Variants in EHF observed in about 807,000 individuals in gnomAD.
EHF encodes the protein ESE3 transcription factor.
EHF carries 14 observed loss-of-function variants against 45.1 expected under a neutral mutation model. The ratio of observed to expected loss-of-function variants is 0.31; its 90% CI spans 0.21 to 0.49. EHF has a LOEUF of 0.49. Ranked by LOEUF, EHF falls within the 20% of genes least tolerant of loss-of-function variation. The pLI, the probability that EHF is intolerant of heterozygous loss-of-function variation, is 0.99. For missense variants in EHF, 282 were observed against 371.4 expected (o/e 0.76, Z 1.98); for synonymous variants, 136 against 131.8 (o/e 1.03, Z -0.22).
chr11:34,642,372 A>C (rs1854095106), intron 1 of EHF: 1 of 328,076 alleles, frequency 3.0e-6, no homozygotes. Flanking sequence ...CTCCCGCTTC[A>C]TTCCTGATCA....
rs945210659 is a variant in EHF, at chr11:34,661,958, AG to A, written c.*3028del. 1.3e-5 allele frequency among the ~76,000 whole-genome samples: 2 copies of A among 152,136 alleles called. No individual in the cohort carries two copies. The highest frequency in any genetic ancestry group is 4.8e-5 in the African/African-American group (2 of 41,448). On this transcript the variant is annotated 3_prime_UTR_variant, in exon 9 of 9. Transcript: ENST00000257831. ...TAGATATTTGACTTGGTAAGACTTA[AG>A]TAAGGCTCTGGCTCCCAGGGGCATA...
At chr11:34,640,936 G>A (rs1331248133) in intron 1 of EHF, among the ~76,000 whole-genome samples, 2 of 152,120 alleles carry the variant, frequency 1.3e-5, no homozygotes, top group African/African-American at 4.8e-5. Flanking sequence ...TCCAATCAAT[G>A]TACAGACGAG....
At position 34,646,062 on chromosome 11, in the gene EHF, G is replaced by A. The variant is rs182345976; in HGVS notation, c.98-377G>A. Among the ~76,000 whole-genome samples, 1,368 of 142,874 alleles carry A rather than the reference G, an allele frequency of 9.6e-3. 13 individuals carry two copies. Among genetic ancestry groups the A allele is most frequent in the Middle Eastern group, 0.017 (5 of 292 alleles). 93.7% of individuals were successfully genotyped at this position (142,874 alleles called of 152,430 possible). A position where few individuals can be genotyped will look rare whatever the true frequency, so the allele number is the denominator to read the frequency against. The stretch of plus-strand genomic sequence containing the variant: ...TGTGTGTGTGTGTGTGTGTGTGTGT[G>A]TGTGTATGTATAAGAGAGAAAAAAT... On this transcript the variant is annotated intron_variant, in intron 2 of 8. Coordinates refer to ENST00000257831, the MANE Select transcript of EHF (RefSeq NM_012153.6).
chr11:34,643,478 G>T (rs1479675659), intron 2 of EHF, among the ~76,000 whole-genome samples: 1 of 152,206 alleles, frequency 6.6e-6, no homozygotes, highest in Non-Finnish European at 1.5e-5. Flanking sequence ...CACACCCACT[G>T]CTAATCTGCC....
In EHF at chr11:34,661,269, T is replaced by A. The variant is rs553106368; in HGVS notation, c.*2338T>A. Among the ~76,000 whole-genome samples the A allele has an allele frequency of 6.6e-6, 1 of 152,270 alleles. No homozygotes were observed. Among genetic ancestry groups the A allele is most frequent in the African/African-American group, 2.4e-5 (1 of 41,564 alleles). On this transcript the variant is annotated 3_prime_UTR_variant, in exon 9 of 9. Coordinates refer to ENST00000257831, the MANE Select transcript of EHF (RefSeq NM_012153.6). ...TGTGTGTCTGAGTTGTGTGATTTTA[T>A]TAGGGGCATCTGCCAATTCTCTCAC...
intron 2 of EHF, among the ~76,000 whole-genome samples, chr11:34,644,890 A>G (rs1196638699): frequency 6.6e-6 from 1 of 152,234 alleles, no homozygotes; most frequent in African/African-American, 2.4e-5. Flanking sequence ...TTCCCTGGTG[A>G]TTCACGATCA....
intron 1 of EHF, chr11:34,632,776 A>G: frequency 1.7e-6 from 2 of 1,183,520 alleles, no homozygotes; most frequent in Non-Finnish European, 2.4e-6. Context: ...TTATTTTGGA[A>G]GCCGTGTCCT....
rs1267450165 is a variant in EHF, at chr11:34,639,740, T to C, written c.-3-2888T>C. Among the ~76,000 whole-genome samples, 4 of 152,356 alleles carry C rather than the reference T, an allele frequency of 2.6e-5. No individual in the cohort carries two copies. In the East Asian group the frequency reaches 7.7e-4, roughly 29 times the overall value. On this transcript the variant is annotated intron_variant, in intron 1 of 8. Coordinates refer to ENST00000257831, the MANE Select transcript of EHF (RefSeq NM_012153.6). ...TTTTATGAGTGGAAACCACTTAATG[T>C]GCCCTGTAAAAAAGGGCCCCTCACC...
rs942595322 is a variant in EHF at position 34,662,962 on chromosome 11, A to T, written c.*4031A>T. On this transcript the variant is annotated 3_prime_UTR_variant, in exon 9 of 9. Transcript: ENST00000257831. ...TGGAACTAGAGATAGAGCATTTATT[A>T]AAAAAAACTCCTGTTGAGACTGTGT... is the stretch of plus-strand genomic sequence containing the variant. 3.9e-5 allele frequency among the ~76,000 whole-genome samples: 6 copies of T among 151,960 alleles called. No homozygotes were observed. The highest frequency in any genetic ancestry group is 1.4e-4 in the African/African-American group (6 of 41,404).
At chr11:34,641,258 A>G (rs776517851) in intron 1 of EHF, among the ~76,000 whole-genome samples, 2 of 152,208 alleles carry the variant, frequency 1.3e-5, no homozygotes, top group Non-Finnish European at 2.9e-5. Flanking sequence ...TAATCATCAT[A>G]CATGTTTGTG....
chr11:34,647,934 C>T (rs1470145430), intron 3 of EHF, among the ~76,000 whole-genome samples: 1 of 152,200 alleles, frequency 6.6e-6, no homozygotes, highest in Admixed American at 6.5e-5. Flanking sequence ...TACCTCCACC[C>T]CCCAATTAAA....
intron 1 of EHF, among the ~76,000 whole-genome samples, chr11:34,635,975 C>T (rs912223972): frequency 1.3e-5 from 2 of 152,012 alleles, no homozygotes; most frequent in Admixed American, 6.5e-5. Context: ...CAGCAGCTCT[C>T]GGAATAGGGA....
At chr11:34,635,107 C>T (rs1478682669) in intron 1 of EHF, among the ~76,000 whole-genome samples, 2 of 152,136 alleles carry the variant, frequency 1.3e-5, no homozygotes, top group African/African-American at 4.8e-5. Flanking sequence ...AGAGCTGGTA[C>T]ATTTTAAGTG....
intron 1 of EHF, among the ~76,000 whole-genome samples, chr11:34,625,384 A>T (rs540984721): frequency 6.6e-6 from 1 of 152,216 alleles, no homozygotes; most frequent in East Asian, 1.9e-4. Context: ...CTTCTATAAA[A>T]CGCCAAAGCA....
intron 1 of EHF, chr11:34,624,270 G>C (rs1852179169): frequency 1.0e-6 from 1 of 985,260 alleles, no homozygotes; most frequent in African/African-American, 1.7e-5. Flanking sequence ...TTCTCACCCT[G>C]CCTTTGTTAC....
At chr11:34,625,863 T>A (rs945370337) in intron 1 of EHF, among the ~76,000 whole-genome samples, 1 of 150,288 alleles carries the variant, frequency 6.7e-6, no homozygotes, top group African/African-American at 2.5e-5. Context: ...TCCTCCCTTC[T>A]TTTTTTTTGT....
At chr11:34,648,155 T>G (rs1392014797) in intron 3 of EHF, among the ~76,000 whole-genome samples, 2 of 152,210 alleles carry the variant, frequency 1.3e-5, no homozygotes, top group Non-Finnish European at 2.9e-5. Flanking sequence ...CTAACATTTA[T>G]TGAGTATTTA....
At position 34,656,888 on chromosome 11, in the gene EHF, C is replaced by G. The variant is rs435537; in HGVS notation, c.545-20C>G. ...TTATAGGAAATAGGTCAATTAAACG[C>G]CTCTCATTTTTCTCCTTAGCAGAGT... On this transcript the variant is annotated intron_variant, in intron 6 of 8. Transcript: ENST00000257831. 1,596,604 of 1,612,484 alleles carry G rather than the reference C, an allele frequency of 0.99. 791,705 individuals carry two copies. Among genetic ancestry groups the G allele is most frequent in the East Asian group, 1 (44,689 of 44,690 alleles).
intron 1 of EHF, among the ~76,000 whole-genome samples, chr11:34,635,375 T>C (rs1213155752): frequency 2.0e-5 from 3 of 151,748 alleles, no homozygotes; most frequent in Non-Finnish European, 2.9e-5. Context: ...GTGGTTCCAG[T>C]TCCCTGCCAG....
Sources: gnomAD v4.1 joint callset for allele counts (sites outside exome capture counted in the v4.1 genomes callset) on GRCh38, gnomAD v4.1.1 for gene constraint, MANE v1.5 for transcripts, NCBI Gene and HGNC (gene_info 2026-07-23, HGNC 2026-07-21) for gene names.